Variants in TRAF3 observed in about 807,000 individuals in gnomAD.
TRAF3 encodes the protein TNF receptor associated factor 3.
A neutral mutation model predicts 62.3 loss-of-function variants in TRAF3; 13 were observed. The observed-to-expected ratio is 0.21, with a 90% CI of 0.14 to 0.33. The LOEUF (loss-of-function observed/expected upper bound fraction) is 0.33. Among genes scored for constraint, TRAF3 ranks in the 10% least tolerant of loss-of-function variants. TRAF3 has a pLI of 1.00. For synonymous variants in TRAF3, 269 were observed against 283.4 expected (o/e 0.95, Z 0.51); for missense variants, 440 against 741.8 (o/e 0.59, Z 4.73).
At chr14:102,904,669 G>A (rs1890486619) in intron 11 of TRAF3, among the ~76,000 whole-genome samples, 1 of 152,128 alleles carries the variant, frequency 6.6e-6, no homozygotes, top group Admixed American at 6.5e-5. Context: ...AGTTAGCCGG[G>A]CATGGTGGCG....
rs59248096 is a variant in TRAF3, at chr14:102,855,794, T to TA, written c.-17-14376dup. 9.8e-3 allele frequency among the ~76,000 whole-genome samples: 1,300 copies of TA among 132,198 alleles called. 9 individuals are homozygous for TA. The highest frequency in any genetic ancestry group is 0.016 in the Non-Finnish European group (934 of 59,686). 86.7% of individuals were successfully genotyped at this position (132,198 alleles called of 152,430 possible). On this transcript the variant is annotated intron_variant, in intron 2 of 11. Transcript: ENST00000392745. ...TTGGGCTACAGAATGAGACTTTATC[T>TA]AAAAAAAAAAAAAAAGGCCAGGTAC...
intron 3 of TRAF3, among the ~76,000 whole-genome samples, 169 bp downstream of exon 3, chr14:102,870,615 C>T (rs978592699): frequency 2.0e-5 from 3 of 152,212 alleles, no homozygotes; most frequent in African/African-American, 7.2e-5. Context: ...GCAGTGGGAT[C>T]CCACGTGTGG....
At chr14:102,888,715 A>T (rs369591209) in intron 7 of TRAF3, among the ~76,000 whole-genome samples, 36 of 152,278 alleles carry the variant, frequency 2.4e-4, no homozygotes, top group African/African-American at 7.5e-4. Flanking sequence ...AAAAGACAAA[A>T]CTTCTGCTCA....
At chr14:102,817,389 A>G (rs895662675) in intron 1 of TRAF3, among the ~76,000 whole-genome samples, 1 of 152,062 alleles carries the variant, frequency 6.6e-6, no homozygotes, top group Non-Finnish European at 1.5e-5. Context: ...AGTTTTCTCT[A>G]AAGTAGAATG....
intron 10 of TRAF3, among the ~76,000 whole-genome samples, chr14:102,897,638 AC>A (rs1430454387): frequency 2.0e-5 from 3 of 152,126 alleles, no homozygotes; most frequent in Non-Finnish European, 4.4e-5. Context: ...GCAAGCCTCC[AC>A]CCCTCTTCCA....
chr14:102,798,757 G>T (rs1378287760), intron 1 of TRAF3, among the ~76,000 whole-genome samples: 1 of 152,226 alleles, frequency 6.6e-6, no homozygotes, highest in Non-Finnish European at 1.5e-5. Context: ...TTATAGGCAT[G>T]ACCACTGTAC....
chr14:102,891,106 G>A (rs1849076920), intron 8 of TRAF3, among the ~76,000 whole-genome samples: 2 of 152,208 alleles, frequency 1.3e-5, no homozygotes, highest in African/African-American at 4.8e-5. Context: ...GGCACTGCAG[G>A]GTGCTGGCTC....
chr14:102,780,329 A>G (rs1897223170), intron 1 of TRAF3, among the ~76,000 whole-genome samples: 1 of 151,562 alleles, frequency 6.6e-6, no homozygotes, highest in African/African-American at 2.4e-5. Context: ...ATAGAAAAGA[A>G]AAAAAAAACC....
chr14:102,881,771 A>G (rs72704722), intron 6 of TRAF3, among the ~76,000 whole-genome samples: 283 of 152,328 alleles, frequency 1.9e-3, no homozygotes, highest in Non-Finnish European at 3.4e-3. Context: ...TCAAAGTTAT[A>G]TTTTGCTTCT....
At chr14:102,799,390 AT>A (rs1258316057) in intron 1 of TRAF3, among the ~76,000 whole-genome samples, 1 of 152,202 alleles carries the variant, frequency 6.6e-6, no homozygotes, top group African/African-American at 2.4e-5. Context: ...CAGTTCATGA[AT>A]TCATTCCCAC....
chr14:102,785,748 G>GCTGA (rs929163744), intron 1 of TRAF3, among the ~76,000 whole-genome samples: 5 of 152,186 alleles, frequency 3.3e-5, no homozygotes, highest in African/African-American at 1.2e-4. Context: ...CAACCAGGAG[G>GCTGA]GGTCAGTGGT....
intron 2 of TRAF3, among the ~76,000 whole-genome samples, chr14:102,848,978 A>G (rs1167562050): frequency 6.6e-6 from 1 of 151,874 alleles, no homozygotes; most frequent in Non-Finnish European, 1.5e-5. Flanking sequence ...TGTCTTTTTT[A>G]TTTAAAAATC....
chr14:102,875,865 AAAGC>A (rs1888618065), intron 5 of TRAF3, 137 bp downstream of exon 5: 3 of 763,540 alleles, frequency 3.9e-6, no homozygotes, highest in Non-Finnish European at 6.8e-6. Flanking sequence ...GCCAAATAGG[AAAGC>A]AGTCAGAACC....
rs1857617815 is a variant in TRAF3 at position 102,908,031 on chromosome 14, A to C, written c.*2247A>C. ...GAGGCCAGGGGTTAACAACAGGGAC[A>C]TCCCTGCAACTTCCCCTTCACAAAA... On this transcript the variant is annotated 3_prime_UTR_variant, in exon 12 of 12. Coordinates refer to ENST00000392745, the MANE Select transcript of TRAF3 (RefSeq NM_145725.3). The C allele has an allele frequency of 1.3e-5, 2 of 152,278 alleles. No homozygotes were observed. Among genetic ancestry groups the C allele is most frequent in the Admixed American group, 1.3e-4 (2 of 15,288 alleles). The allele number at this position is 152,278 out of a possible 1,614,324, so 9.4% of individuals were successfully genotyped here. A position where few individuals can be genotyped will look rare whatever the true frequency, so the allele number is the denominator to read the frequency against.
At chr14:102,780,835 C>T (rs1897245089) in intron 1 of TRAF3, among the ~76,000 whole-genome samples, 1 of 152,138 alleles carries the variant, frequency 6.6e-6, no homozygotes, top group Admixed American at 6.5e-5. Context: ...TATAGGCCAT[C>T]TTGGCCCCTG....
chr14:102,782,567 A>G (rs1897312305), intron 1 of TRAF3, among the ~76,000 whole-genome samples: 4 of 152,118 alleles, frequency 2.6e-5, no homozygotes, highest in Admixed American at 2.6e-4. Context: ...CCTTTCCCCA[A>G]CCTACTCCTC....
Position 102,821,506 on chromosome 14 carries a change from C to T in TRAF3, c.-156-8828C>T, listed in dbSNP as rs532026511. 2.0e-5 allele frequency among the ~76,000 whole-genome samples: 3 copies of T among 152,234 alleles called. No individual in the cohort carries two copies. In the South Asian group the frequency reaches 6.2e-4, roughly 32 times the overall value. ...AGTTTTGTGGTTAATATTTGCAAGT[C>T]GTTTATTTAACAAGGTTGAAAAGAG... On this transcript the variant is annotated intron_variant, in intron 1 of 11. Transcript: ENST00000392745.
chr14:102,855,546 A>G (rs982270856), intron 2 of TRAF3, among the ~76,000 whole-genome samples: 2 of 152,150 alleles, frequency 1.3e-5, no homozygotes, highest in African/African-American at 4.8e-5. Flanking sequence ...CTGTAATCCC[A>G]GCACTTTGGG....
At chr14:102,812,641 C>T (rs151125305) in intron 1 of TRAF3, among the ~76,000 whole-genome samples, 26 of 152,224 alleles carry the variant, frequency 1.7e-4, no homozygotes, top group African/African-American at 2.4e-4. Flanking sequence ...TTTCTCAGGC[C>T]GGGCGTGGTG....
Sources: allele counts gnomAD v4.1 joint callset (sites outside exome capture counted in the v4.1 genomes callset), GRCh38; gene constraint gnomAD v4.1.1; transcripts MANE v1.5; gene names NCBI Gene and HGNC (gene_info 2026-07-23, HGNC 2026-07-21).